C12orf42: variants seen among roughly 807,000 people sequenced by gnomAD.
The protein encoded by C12orf42 is chromosome 12 open reading frame 42, also known as uncharacterized protein C12orf42.
In C12orf42, 25 loss-of-function variants were observed where a neutral mutation model predicts 21.6. That is an observed-to-expected ratio of 1.16 (90% CI 0.84 to 1.62). The LOEUF is 1.62. Among genes scored for constraint, C12orf42 ranks in the 40% most tolerant of loss-of-function variants. The pLI is 0.00. For missense variants in C12orf42, 483 were observed against 459.3 expected (o/e 1.05, Z -0.47); for synonymous variants, 174 against 175.0 (o/e 0.99, Z 0.05).
At chr12:103,344,417 A>G (rs1051131966) in intron 4 of C12orf42, among the ~76,000 whole-genome samples, 3 of 152,190 alleles carry the variant, frequency 2.0e-5, no homozygotes, top group Admixed American at 1.3e-4. Flanking sequence ...TCACCGATGG[A>G]TGACAAGACC....
At chr12:103,487,490 AT>A (rs1316565068) in intron 1 of C12orf42, among the ~76,000 whole-genome samples, 2 of 152,190 alleles carry the variant, frequency 1.3e-5, no homozygotes, top group East Asian at 1.9e-4. Flanking sequence ...GCAGAACTGA[AT>A]TTAAGTGTTG....
At chr12:103,554,596 A>G in the C12orf42 span, among the ~76,000 whole-genome samples, 1 of 152,048 alleles carries the variant, frequency 6.6e-6, no homozygotes, top group Non-Finnish European at 1.5e-5. Flanking sequence ...AAAGAGGTTT[A>G]ATCAGCTTTT....
At chr12:103,296,096 G>A (rs143336178) in intron 4 of C12orf42, among the ~76,000 whole-genome samples, 1 of 145,996 alleles carries the variant, frequency 6.8e-6, no homozygotes, top group East Asian at 2.0e-4. Context: ...TCCCACCTAT[G>A]AGCGAGAACA....
At chr12:103,518,862 A>T in the C12orf42 span, among the ~76,000 whole-genome samples, 1 of 152,160 alleles carries the variant, frequency 6.6e-6, no homozygotes, top group South Asian at 2.1e-4. Context: ...AGATCACACA[A>T]CTACTAAGAA....
intron 4 of C12orf42, among the ~76,000 whole-genome samples, chr12:103,307,369 A>T (rs2038467123): frequency 6.6e-6 from 1 of 152,178 alleles, no homozygotes; most frequent in African/African-American, 2.4e-5. Flanking sequence ...AAAGAGCTAT[A>T]CCACCCACAT....
chr12:103,353,217 G>A (rs1217622866), intron 4 of C12orf42, among the ~76,000 whole-genome samples: 1 of 151,398 alleles, frequency 6.6e-6, no homozygotes, highest in African/African-American at 2.4e-5. Flanking sequence ...ACAGGGTTTG[G>A]ACCAATGGAC....
chr12:103,488,995 A>G (rs747045118), intron 1 of C12orf42, among the ~76,000 whole-genome samples: 26 of 152,178 alleles, frequency 1.7e-4, no homozygotes, highest in Middle Eastern at 3.2e-3. Flanking sequence ...CATTGCTGGC[A>G]AGGAGCTGCA....
intron 2 of C12orf42, among the ~76,000 whole-genome samples, chr12:103,421,793 T>C (rs1367693725): frequency 6.6e-6 from 1 of 152,236 alleles, no homozygotes; most frequent in Admixed American, 6.5e-5. Flanking sequence ...TCTGCACAAG[T>C]GTGTGTGCAA....
At chr12:103,069,072 C>T in the C12orf42 span, among the ~76,000 whole-genome samples, 1 of 147,528 alleles carries the variant, frequency 6.8e-6, no homozygotes, top group Admixed American at 6.9e-5. Flanking sequence ...ACTTTTTGTT[C>T]TCTGACTCCG....
At chr12:103,500,863 T>G (rs1430119119), upstream of C12orf42, among the ~76,000 whole-genome samples, 2 of 152,202 alleles carry the variant, frequency 1.3e-5, no homozygotes, top group Admixed American at 1.3e-4. Flanking sequence ...GGTTTCAAAA[T>G]TGTGTTCCTG....
intron 1 of C12orf42, among the ~76,000 whole-genome samples, chr12:103,485,843 A>T (rs185513823): frequency 5.9e-5 from 9 of 152,202 alleles, no homozygotes; most frequent in Non-Finnish European, 1.0e-4. Flanking sequence ...ACTTTGCTGA[A>T]GTTGCTTATC....
chr12:103,561,344 A>G, the C12orf42 span, among the ~76,000 whole-genome samples: 2 of 152,152 alleles, frequency 1.3e-5, no homozygotes, highest in African/African-American at 2.4e-5. Context: ...TCAACTGGGT[A>G]GCTTAAATAA....
chr12:103,371,232 A>T (rs2045201402), intron 3 of C12orf42, among the ~76,000 whole-genome samples: 1 of 152,088 alleles, frequency 6.6e-6, no homozygotes, highest in African/African-American at 2.4e-5. Flanking sequence ...CCTGAGGAAA[A>T]GGTTTGTGCC....
chr12:103,362,075 C>A lies in C12orf42; in HGVS notation c.259+6812G>T, dbSNP rs565990154. Reference sequence around the variant, plus strand: ...AGCACAAAAACAGTGCATTAAACAACCAAAATTAAGGATTCTCACAGAGTC... The same window carrying A: ...AGCACAAAAACAGTGCATTAAACAAACAAAATTAAGGATTCTCACAGAGTC... On this transcript the variant is annotated intron_variant, in intron 4 of 5. Transcript: ENST00000548883. Among the ~76,000 whole-genome samples the A allele has an allele frequency of 2.2e-4, 33 of 152,272 alleles. No homozygotes were observed. The South Asian group carries it at 6.8e-3, about 32-fold the overall frequency.
intron 1 of C12orf42, among the ~76,000 whole-genome samples, chr12:103,483,912 T>C (rs556853385): frequency 2.6e-5 from 4 of 152,310 alleles, no homozygotes; most frequent in Non-Finnish European, 4.4e-5. Context: ...ATATGCAGTG[T>C]TTGGTTTTCT....
At chr12:103,146,604 G>GAAAGAA in the C12orf42 span, among the ~76,000 whole-genome samples, 1 of 149,648 alleles carries the variant, frequency 6.7e-6, no homozygotes, top group Non-Finnish European at 1.5e-5. Flanking sequence ...AAGAAAGAAA[G>GAAAGAA]AAAGAAAAAG....
At chr12:103,421,737 G>A (rs759500548) in intron 2 of C12orf42, among the ~76,000 whole-genome samples, 6 of 152,130 alleles carry the variant, frequency 3.9e-5, no homozygotes, top group Admixed American at 1.3e-4. Flanking sequence ...GAAACATACC[G>A]TTGGGCTATA....
intron 1 of C12orf42, among the ~76,000 whole-genome samples, chr12:103,495,003 A>G (rs931012850): frequency 6.6e-6 from 1 of 152,124 alleles, no homozygotes; most frequent in Non-Finnish European, 1.5e-5. Context: ...TGTGAGATAA[A>G]TAATATGTCT....
chr12:103,263,068 C>G (rs183636887), intron 10 of C12orf42, among the ~76,000 whole-genome samples: 2 of 151,962 alleles, frequency 1.3e-5, no homozygotes, highest in South Asian at 4.1e-4. Flanking sequence ...AACCAAATAC[C>G]GCATGTTCTC....
Sources: gnomAD v4.1 joint callset for allele counts (sites outside exome capture counted in the v4.1 genomes callset) on GRCh38, gnomAD v4.1.1 for gene constraint, MANE v1.5 for transcripts, NCBI Gene and HGNC (gene_info 2026-07-23, HGNC 2026-07-21) for gene names.